Variants in RFTN1 observed in about 807,000 individuals in gnomAD.
RFTN1 encodes raftlin.
A neutral mutation model predicts 46.5 loss-of-function variants in RFTN1; 26 were observed. That is an observed-to-expected ratio of 0.56 (90% confidence interval 0.41 to 0.78). The LOEUF (loss-of-function observed/expected upper bound fraction) is 0.78, where lower values mean the gene tolerates loss of function less well. Ranked by LOEUF, RFTN1 falls within the 30% of genes least tolerant of loss-of-function variation. The probability of loss-of-function intolerance (pLI) is 0.00; values close to 1 mark genes in which losing one functional copy is unlikely to be tolerated. For synonymous variants in RFTN1, 261 were observed against 284.2 expected, an observed-to-expected ratio of 0.92 and a Z score of 0.82; for missense variants, 693 against 718.7, an observed-to-expected ratio of 0.96 and a Z score of 0.41.
At chr3:16,495,059 C>T (rs1352651745) in intron 1 of RFTN1, among the ~76,000 whole-genome samples, 8 of 152,116 alleles carry the variant, frequency 5.3e-5, no homozygotes, top group Non-Finnish European at 8.8e-5. Flanking sequence ...TAGCGACAAC[C>T]AGGCTCTACT....
chr3:16,512,286 C>A lies in RFTN1; in HGVS notation c.-9+1156G>T, dbSNP rs1316097081. ...CCTTAACTTATCCTGAGATGACACA[C>A]GATGGCAGGGGTTGGAAGATGCCTA... is the stretch of plus-strand genomic sequence containing the variant. On this transcript the variant is annotated intron_variant, in intron 1 of 9. Transcript: ENST00000334133. The surrounding 1 kb of genome is among the most constrained non-coding windows in gnomAD (Gnocchi z 4.3). Among the ~76,000 whole-genome samples the A allele has an allele frequency of 6.6e-6, 1 of 152,154 alleles. No homozygotes were observed. Among genetic ancestry groups the A allele is most frequent in the Non-Finnish European group, 1.5e-5 (1 of 68,038 alleles).
At chr3:16,412,659 G>A (rs2075000418) in intron 3 of RFTN1, among the ~76,000 whole-genome samples, 1 of 152,152 alleles carries the variant, frequency 6.6e-6, no homozygotes, top group South Asian at 2.1e-4. Context: ...CTTTCAGTGG[G>A]GGCAGGGCCT....
At chr3:16,501,692 A>G (rs2076712968) in intron 1 of RFTN1, among the ~76,000 whole-genome samples, 1 of 152,254 alleles carries the variant, frequency 6.6e-6, no homozygotes, top group Admixed American at 6.5e-5. Context: ...TACTTCATTC[A>G]GTCATCCAAA....
intron 2 of RFTN1, among the ~76,000 whole-genome samples, chr3:16,456,764 T>G (rs2075913484): frequency 6.6e-6 from 1 of 152,104 alleles, no homozygotes; most frequent in African/African-American, 2.4e-5. Context: ...ACAGGAAAAC[T>G]CCATTGCACG....
Position 16,436,662 on chromosome 3 carries a change from C to T in RFTN1, c.146-2625G>A, listed in dbSNP as rs60182471. Among the ~76,000 whole-genome samples the T allele has an allele frequency of 7.6e-3, 1,162 of 152,216 alleles. 16 individuals carry two copies. Among genetic ancestry groups the T allele is most frequent in the African/African-American group, 0.026 (1,098 of 41,518 alleles). ...TGTAAAGTGTGCAATATGAATTGAA[C>T]ACCCCCCCACCACAGGGGTTTATCC... is the stretch of plus-strand genomic sequence containing the variant. On this transcript the variant is annotated intron_variant, in intron 2 of 9. Coordinates refer to ENST00000334133, the MANE Select transcript of RFTN1 (RefSeq NM_015150.2).
chr3:16,341,890 A>G lies in RFTN1; in HGVS notation c.1147-15014T>C, dbSNP rs959226370. Among the ~76,000 whole-genome samples, 1 of 152,214 alleles carries G rather than the reference A, an allele frequency of 6.6e-6. No homozygotes were observed. The highest frequency in any genetic ancestry group is 1.5e-5 in the Non-Finnish European group (1 of 68,048). On this transcript the variant is annotated intron_variant, in intron 7 of 9. Transcript: ENST00000334133. The surrounding 1 kb of genome is among the most constrained non-coding windows in gnomAD (Gnocchi z 4.7). The stretch of plus-strand genomic sequence containing the variant: ...TTTTGTAAAAAATATGCAAATATAG[A>G]TAGAATATACACAGGAAGGATTATC...
chr3:16,378,465 A>G (rs690342), intron 4 of RFTN1, among the ~76,000 whole-genome samples: 128,101 of 152,224 alleles, frequency 0.84, 54,351 homozygotes, highest in African/African-American at 0.95. Flanking sequence ...TTAAGAGTTT[A>G]GTTTTTTTTG....
At position 16,367,858 on chromosome 3, in the gene RFTN1, A is replaced by G. The variant is rs184773314; in HGVS notation, c.1030+2218T>C. ...CCAAGTGTTCTTTCTTGGAGGTCTT[A>G]GGGCCCCTGACATGCTCAGGCAGTG... On this transcript the variant is annotated intron_variant, in intron 6 of 9. Coordinates refer to ENST00000334133, the MANE Select transcript of RFTN1 (RefSeq NM_015150.2). Among the ~76,000 whole-genome samples, 176 of 152,216 alleles carry G rather than the reference A, an allele frequency of 1.2e-3. 2 individuals carry two copies. The East Asian group carries it at 0.021, about 18-fold the overall frequency.
intron 7 of RFTN1, among the ~76,000 whole-genome samples, chr3:16,340,491 T>C (rs2071248822): frequency 6.6e-6 from 1 of 152,242 alleles, no homozygotes; most frequent in African/African-American, 2.4e-5. Flanking sequence ...GCCCTATGGC[T>C]GAAAAATTGA....
At chr3:16,482,964 G>A in intron 2 of RFTN1, 1 of 688,956 alleles carries the variant, frequency 1.5e-6, no homozygotes, top group East Asian at 2.7e-5. Flanking sequence ...AGTATCAAGG[G>A]CTGCTTAGAG....
chr3:16,369,986 T>A, intron 6 of RFTN1, 90 bp downstream of exon 6: 1 of 1,208,676 alleles, frequency 8.3e-7, no homozygotes. Context: ...GCTTTCTGAA[T>A]GAAGCAGACT....
intron 6 of RFTN1, among the ~76,000 whole-genome samples, chr3:16,360,507 A>C (rs2072761515): frequency 6.6e-6 from 1 of 152,182 alleles, no homozygotes; most frequent in Non-Finnish European, 1.5e-5. Context: ...ACTGCTGGTA[A>C]AGGTATGGTG....
chr3:16,400,227 G>T lies in RFTN1; in HGVS notation c.441+9148C>A, dbSNP rs1384427858. On this transcript the variant is annotated intron_variant, in intron 4 of 9. Transcript: ENST00000334133. The surrounding 1 kb of genome is among the most constrained non-coding windows in gnomAD (Gnocchi z 4.5). ...CCCTCTGTCATTTGCAGGCAAGACAGTGAACTCCCTTCTGCTCCTCAAACC... is the reference window on the plus strand; with the variant it reads ...CCCTCTGTCATTTGCAGGCAAGACATTGAACTCCCTTCTGCTCCTCAAACC... Among the ~76,000 whole-genome samples, 1 of 152,172 alleles carries T rather than the reference G, an allele frequency of 6.6e-6. No homozygotes were observed. Among genetic ancestry groups the T allele is most frequent in the Non-Finnish European group, 1.5e-5 (1 of 68,026 alleles).
intron 1 of RFTN1, 66 bp from the exon 2 acceptor site, chr3:16,493,943 G>T: frequency 6.4e-7 from 1 of 1,563,166 alleles, no homozygotes; most frequent in Non-Finnish European, 8.7e-7. Context: ...AAACACCCTA[G>T]TATAAAAGAT....
Position 16,320,699 on chromosome 3 carries a change from A to G in RFTN1, c.1332+2677T>C, listed in dbSNP as rs2068949261. ...AAAAGGATGCTCGAGTAGAGCTAGA[A>G]AGGAGGAGAATGTCCTTGGCAGAGG... is the stretch of plus-strand genomic sequence containing the variant. On this transcript the variant is annotated intron_variant, in intron 9 of 9. Transcript: ENST00000334133. This position sits in a 1 kb window ranked among gnomAD's most constrained non-coding sequence, Gnocchi z 4.5. Among the ~76,000 whole-genome samples, 1 of 152,240 alleles carries G rather than the reference A, an allele frequency of 6.6e-6. No homozygotes were observed.
At chr3:16,360,407 A>G (rs1020951271) in intron 6 of RFTN1, among the ~76,000 whole-genome samples, 14 of 152,182 alleles carry the variant, frequency 9.2e-5, no homozygotes, top group Non-Finnish European at 2.1e-4. Context: ...TGGACTCCCA[A>G]AGTGCTGGAA....
At chr3:16,406,053 T>C (rs1288040295) in intron 4 of RFTN1, among the ~76,000 whole-genome samples, 1 of 152,232 alleles carries the variant, frequency 6.6e-6, no homozygotes, top group African/African-American at 2.4e-5. Flanking sequence ...AAATGGTTTT[T>C]AGCATACTTC....
At position 16,443,231 on chromosome 3, in the gene RFTN1, ACTT is replaced by A. The variant is rs2075665626; in HGVS notation, c.146-9197_146-9195del. Reference sequence around the variant, plus strand: ...TCTTATACTTCACATCCTCACCAACACTTCTTATCTCTTGTATTTTTGATAGTA... The same window carrying A: ...TCTTATACTTCACATCCTCACCAACACTTATCTCTTGTATTTTTGATAGTA... On this transcript the variant is annotated intron_variant, in intron 2 of 9. Transcript: ENST00000334133. This position sits in a 1 kb window ranked among gnomAD's most constrained non-coding sequence, Gnocchi z 5.5. Among the ~76,000 whole-genome samples the A allele has an allele frequency of 1.3e-5, 2 of 152,054 alleles. No individual in the cohort carries two copies. Among genetic ancestry groups the A allele is most frequent in the African/African-American group, 4.8e-5 (2 of 41,380 alleles).
intron 9 of RFTN1, among the ~76,000 whole-genome samples, chr3:16,318,458 T>C: frequency 6.6e-6 from 1 of 152,214 alleles, no homozygotes; most frequent in Non-Finnish European, 1.5e-5. Flanking sequence ...CTTTAGTATG[T>C]TGTAAATCAT....
Sources: gnomAD v4.1 joint callset for allele counts (sites outside exome capture counted in the v4.1 genomes callset) on GRCh38, gnomAD v4.1.1 for gene constraint, Gnocchi (gnomAD v3.1) non-coding constraint, MANE v1.5 for transcripts, NCBI Gene and HGNC (gene_info 2026-07-23, HGNC 2026-07-21) for gene names.